NEB: variants seen among roughly 807,000 people sequenced by gnomAD.
NEB encodes the protein nebulin, also known as nemaline myopathy type 2.
Under a neutral mutation model 952.2 loss-of-function variants are expected in NEB, and 512 were observed. The ratio of observed to expected loss-of-function variants is 0.54; its 90% CI spans 0.50 to 0.58. NEB has a LOEUF of 0.58. Ranked by LOEUF, NEB falls within the 20% of genes least tolerant of loss-of-function variation. The probability of loss-of-function intolerance (pLI) is 0.00; values close to 1 mark genes in which losing one functional copy is unlikely to be tolerated. For missense variants in NEB, 8,428 were observed against 9,231.1 expected, an observed-to-expected ratio of 0.91 and a Z score of 3.56; for synonymous variants, 2,900 against 3,149.8, an observed-to-expected ratio of 0.92 and a Z score of 2.66.
chr2:151,493,406 G>T lies in NEB; in HGVS notation c.24712C>A (p.Pro8238Thr). Residue 8238 changes from proline (P) to threonine (T), a missense_variant, in exon 176 of 182, where the codon CCT (proline) becomes ACT (threonine). This residue lies in a region of NEB where 3,374 missense variants were observed against 3,651.5 expected (regional missense o/e 0.92). Transcript: ENST00000397345. ...GCTCTCTCCATCTCTGGAGTAACAG[G>T]TGTCGGAGTTGCTTTTCTCATGTTC... ...KENMRKATPTPVTPEMERAKR... is the reference protein window; with the variant it reads ...KENMRKATPTTVTPEMERAKR... 1 of 1,609,080 alleles carries T rather than the reference G, an allele frequency of 6.2e-7. No homozygotes were observed. The highest frequency in any genetic ancestry group is 8.5e-7 in the Non-Finnish European group (1 of 1,178,486).
intron 28 of NEB, among the ~76,000 whole-genome samples, chr2:151,683,089 G>A (rs897702524): frequency 1.3e-5 from 2 of 152,162 alleles, no homozygotes; most frequent in Non-Finnish European, 2.9e-5. Flanking sequence ...TTAACCAAAT[G>A]TGAGACGTTT....
At chr2:151,636,389 G>T in intron 63 of NEB, 55 bp from the exon 64 acceptor site, 1 of 1,361,736 alleles carries the variant, frequency 7.3e-7, no homozygotes, top group Non-Finnish European at 1.0e-6. Flanking sequence ...AAAACTGACA[G>T]AGGACTAAGA....
intron 9 of NEB, among the ~76,000 whole-genome samples, chr2:151,719,886 C>CAA (rs34116466): frequency 0.011 from 1,188 of 103,580 alleles, 45 homozygotes; most frequent in East Asian, 0.072. Context: ...GACCCTGTCT[C>CAA]AAAAAAAAAA....
rs2098929523 is a variant in NEB, at chr2:151,644,547, A to G, written c.7565T>C (p.Leu2522Pro). 6.2e-7 allele frequency: 1 copy of G among 1,613,884 alleles called. No individual in the cohort carries two copies. Among genetic ancestry groups the G allele is most frequent in the Non-Finnish European group, 8.5e-7 (1 of 1,179,798 alleles). ...AGGAAGATCGTAACCTTTTCTCTTC[A>G]GCTCCTCATAACCCATTCGGTAGAG... ...DKLYRMGYEE[L>P]KRKGYDLPVD... Residue 2522 changes from leucine to proline, a missense_variant, in exon 56 of 182, where the codon CTG becomes CCG. Coordinates refer to ENST00000397345, the MANE Select transcript of NEB (RefSeq NM_001164508.2).
chr2:151,547,356 G>C, intron 133 of NEB, 73 bp downstream of exon 133: 1 of 1,178,126 alleles, frequency 8.5e-7, no homozygotes, highest in Non-Finnish European at 1.2e-6. Context: ...AAGACCACTG[G>C]TTGTTTTAAC....
At chr2:151,488,149 A>G (rs974342040) in intron 181 of NEB, among the ~76,000 whole-genome samples, 1 of 152,132 alleles carries the variant, frequency 6.6e-6, no homozygotes, top group Non-Finnish European at 1.5e-5. Flanking sequence ...GGGCGAGGGG[A>G]ATAATTTATC....
chr2:151,526,829 C>T (rs948975026), intron 148 of NEB, 89 bp downstream of exon 148: 2 of 976,426 alleles, frequency 2.0e-6, no homozygotes, highest in Non-Finnish European at 3.2e-6. Context: ...AGCAGCTCTT[C>T]TCCATCCTTC....
intron 95 of NEB, 103 bp from the exon 96 acceptor site, chr2:151,591,558 TTAA>T (rs2097268925): frequency 3.1e-6 from 3 of 959,002 alleles, no homozygotes; most frequent in East Asian, 2.6e-5. Flanking sequence ...ACACTGAACA[TTAA>T]TGTCTCCTTA....
At chr2:151,633,040 T>C (rs13383484) in intron 65 of NEB, among the ~76,000 whole-genome samples, 93,742 of 152,028 alleles carry the variant, frequency 0.62, 29,451 homozygotes, top group East Asian at 0.79. Flanking sequence ...TAGTTTTAGT[T>C]TCCAAAACTT....
At chr2:151,573,688 CAA>C (rs1449380413) in intron 107 of NEB, among the ~76,000 whole-genome samples, 3 of 152,194 alleles carry the variant, frequency 2.0e-5, no homozygotes, top group African/African-American at 7.2e-5. Context: ...TGAAAGCATG[CAA>C]AGTTTCAAGC....
rs78226234 is a variant in NEB, at chr2:151,644,443, A to G, written c.7644+25T>C. On this transcript the variant is annotated intron_variant, in intron 56 of 181. Coordinates refer to ENST00000397345, the MANE Select transcript of NEB (RefSeq NM_001164508.2). Reference sequence around the variant, plus strand: ...GAAGTGATAAATTGCAATCAAATCAATATCAACAGAGGATAAAATCTTACT... The same window carrying G: ...GAAGTGATAAATTGCAATCAAATCAGTATCAACAGAGGATAAAATCTTACT... 27,830 of 1,569,952 alleles carry G rather than the reference A, an allele frequency of 0.018. 343 individuals are homozygous for G. Among genetic ancestry groups the G allele is most frequent in the South Asian group, 0.034 (3,010 of 89,796 alleles).
In NEB at chr2:151,697,595, G is replaced by A. The variant is rs199695976; in HGVS notation, c.1206C>T (p.Cys402=). The change falls in exon 14 of 182, where the codon TGC becomes TGT. Residue 402 remains cysteine (C), a synonymous_variant. Coordinates refer to ENST00000397345, the MANE Select transcript of NEB (RefSeq NM_001164508.2). The part of the protein sequence containing the change: ...EKTKAKSINY[C]ETPKFKLDTV... ...TATCGAGCTTGAATTTGGGGGTCTC[G>A]CAGTAATTTATGCTCTTTGCTTTTG... 2.3e-4 allele frequency: 379 copies of A among 1,612,896 alleles called. 2 individuals are homozygous for A. The African/African-American group carries it at 3.6e-3, about 15-fold the overall frequency.
In NEB at chr2:151,537,186, G is replaced by C. The variant is rs1304121434; in HGVS notation, c.21153C>G (p.Ala7051=). 6.2e-7 allele frequency: 1 copy of C among 1,613,084 alleles called. No homozygotes were observed. Among genetic ancestry groups the C allele is most frequent in the Non-Finnish European group, 8.5e-7 (1 of 1,179,476 alleles). Residue 7051 remains alanine (A), a synonymous_variant, in exon 141 of 182, where the codon GCC becomes GCG. Coordinates refer to ENST00000397345, the MANE Select transcript of NEB (RefSeq NM_001164508.2). Reference sequence around the variant, plus strand: ...CCAGAGTGAAATCAGGGGTATCATAGGCATAGCAACCAATGCCTTTAAGCC... The same window carrying C: ...CCAGAGTGAAATCAGGGGTATCATACGCATAGCAACCAATGCCTTTAAGCC... ...LTWLKGIGCY[A]YDTPDFTLAE... is the part of the protein sequence containing the mutation.
intron 75 of NEB, among the ~76,000 whole-genome samples, chr2:151,616,813 C>T (rs943020747): frequency 1.3e-5 from 2 of 152,194 alleles, no homozygotes; most frequent in African/African-American, 4.8e-5. Context: ...GTACTCTATT[C>T]TGTTTTATGA....
At position 151,616,005 on chromosome 2, in the gene NEB, A is replaced by G. The variant is rs1324465430; in HGVS notation, c.11286T>C (p.Ser3762=). The G allele has an allele frequency of 6.2e-7, 1 of 1,608,000 alleles. No homozygotes were observed. Among genetic ancestry groups the G allele is most frequent in the Non-Finnish European group, 8.5e-7 (1 of 1,176,388 alleles). ...QAAKASRDIA[S]DYKYKEGYRK... ...CTTTTCCAAAACATCCACTTACATC[A>G]CTAGCAATATCTCTTGAAGCCTTGG... Residue 3762 remains serine, a synonymous_variant, in exon 76 of 182, where the codon AGT becomes AGC. Transcript: ENST00000397345.
At position 151,497,943 on chromosome 2, in the gene NEB, T is replaced by C. The variant is rs1286682351; in HGVS notation, c.24208-225A>G. ...GAGGAAGGGCTGTCAGAGTTATCCA[T>C]GTTATTTTTTTTCATTTTTGTGAGT... On this transcript the variant is annotated intron_variant, in intron 170 of 181. Coordinates refer to ENST00000397345, the MANE Select transcript of NEB (RefSeq NM_001164508.2). 7.6e-6 allele frequency: 11 copies of C among 1,445,646 alleles called. No homozygotes were observed. The East Asian group carries it at 2.5e-4, about 33-fold the overall frequency. The allele number at this position is 1,445,646 out of a possible 1,614,324, so 89.6% of individuals were successfully genotyped here. A position where few individuals can be genotyped will look rare whatever the true frequency, so the allele number is the denominator to read the frequency against.
intron 13 of NEB, among the ~76,000 whole-genome samples, chr2:151,704,561 G>A (rs1408173702): frequency 1.3e-5 from 2 of 152,192 alleles, no homozygotes; most frequent in Non-Finnish European, 2.9e-5. Flanking sequence ...ATAATCTCGT[G>A]GTGCGCCGTT....
Position 151,547,495 on chromosome 2 carries a change from G to A in NEB, c.20301C>T (p.His6767=). 6.2e-7 allele frequency: 1 copy of A among 1,607,488 alleles called. No homozygotes were observed. The highest frequency in any genetic ancestry group is 8.5e-7 in the Non-Finnish European group (1 of 1,177,050). The change falls in exon 133 of 182, where the codon CAC becomes CAT. Residue 6767 remains histidine (H), a synonymous_variant. Transcript: ENST00000397345. ...GGGGTGTGTATGGCAGAGAGATCATGTGGCCCTGCATCTTGAAGAAGTCTG... is the reference window on the plus strand; with the variant it reads ...GGGGTGTGTATGGCAGAGAGATCATATGGCCCTGCATCTTGAAGAAGTCTG... ...YKSDFFKMQG[H]MISLPYTPQV...
intron 10 of NEB, chr2:151,716,151 T>C (rs1448395194): frequency 2.3e-6 from 1 of 440,070 alleles, no homozygotes; most frequent in Admixed American, 2.5e-5. Context: ...TCTTTTTTTC[T>C]CTTTTTGAGA....
Sources: gnomAD v4.1 joint callset for allele counts (sites outside exome capture counted in the v4.1 genomes callset) on GRCh38, gnomAD v4.1.1 for gene constraint, gnomAD v4.1.1 regional missense constraint, MANE v1.5 for transcripts, NCBI Gene and HGNC (gene_info 2026-07-23, HGNC 2026-07-21) for gene names.